COL24A1: variants seen among roughly 807,000 people sequenced by gnomAD.
The protein encoded by COL24A1 is collagen alpha-1(XXIV) chain.
COL24A1 carries 224 observed loss-of-function variants against 253.9 expected under a neutral mutation model. That is an observed-to-expected ratio of 0.88 (90% CI 0.79 to 0.99). The LOEUF is 0.99. Ranked by LOEUF, COL24A1 falls within the 50% of genes least tolerant of loss-of-function variation. The probability of loss-of-function intolerance (pLI) is 0.00; values close to 1 mark genes in which losing one functional copy is unlikely to be tolerated. For synonymous variants in COL24A1, 685 were observed against 673.7 expected, an observed-to-expected ratio of 1.02 and a Z score of -0.26; for missense variants, 2,131 against 2,068.5, an observed-to-expected ratio of 1.03 and a Z score of -0.59.
chr1:85,955,956 G>A (rs923395294), intron 24 of COL24A1, among the ~76,000 whole-genome samples: 2 of 152,136 alleles, frequency 1.3e-5, no homozygotes, highest in South Asian at 2.1e-4. Flanking sequence ...AGATATTACA[G>A]AGCAAAATTT....
intron 20 of COL24A1, 66 bp downstream of exon 20, chr1:85,987,535 T>G: frequency 7.5e-7 from 1 of 1,338,368 alleles, no homozygotes; most frequent in Non-Finnish European, 1.1e-6. Flanking sequence ...ATTTTTCCCA[T>G]TTATTGAGAA....
intron 37 of COL24A1, among the ~76,000 whole-genome samples, chr1:85,867,321 C>T (rs1207733613): frequency 6.6e-6 from 1 of 152,198 alleles, no homozygotes; most frequent in East Asian, 1.9e-4. Context: ...ATTAGTTCCT[C>T]AGTCTTTACT....
At chr1:86,126,272 A>C in intron 2 of COL24A1, 58 bp from the exon 3 acceptor site, 1 of 1,451,114 alleles carries the variant, frequency 6.9e-7, no homozygotes, top group Non-Finnish European at 9.2e-7. Flanking sequence ...TCAAGTGTTC[A>C]TATAAATGTT....
At position 86,014,333 on chromosome 1, in the gene COL24A1, TG is replaced by T. The variant is rs199943585; in HGVS notation, c.2310+2817del. On this transcript the variant is annotated intron_variant, in intron 19 of 59. Transcript: ENST00000370571. ...TTTTATTATCAACTTAAAACTTAAC[TG>T]CACTGTAGACAAAGACTGTAGACTT... is the stretch of plus-strand genomic sequence containing the variant. Among the ~76,000 whole-genome samples, 13 of 152,364 alleles carry T rather than the reference TG, an allele frequency of 8.5e-5. No homozygotes were observed. In the East Asian group the frequency reaches 2.5e-3, roughly 29 times the overall value.
chr1:85,762,177 G>C (rs1666910715), intron 53 of COL24A1, among the ~76,000 whole-genome samples: 1 of 152,150 alleles, frequency 6.6e-6, no homozygotes, highest in Admixed American at 6.5e-5. Context: ...CTGTACATCT[G>C]TTCAAAAGTA....
chr1:85,909,640 C>T (rs1343888711), intron 26 of COL24A1, among the ~76,000 whole-genome samples: 2 of 151,764 alleles, frequency 1.3e-5, no homozygotes, highest in African/African-American at 4.8e-5. Context: ...AAGATTTATA[C>T]AATCCGAAGA....
In COL24A1 at chr1:86,125,573, G is replaced by A. The variant is rs199773723; in HGVS notation, c.763C>T (p.Pro255Ser). Reference sequence around the variant, plus strand: ...TTTGTTGGTATGAGAGTTGTACAAGGAATGCTTGTTTCAGGTTGGTATTTG... The same window carrying A: ...TTTGTTGGTATGAGAGTTGTACAAGAAATGCTTGTTTCAGGTTGGTATTTG... ...ADKYQPETSIPCTTLIPTKIP... is the reference protein window; with the variant it reads ...ADKYQPETSISCTTLIPTKIP... Residue 255 changes from proline to serine, a missense_variant, in exon 3 of 60, where the codon CCT (proline) becomes TCT (serine). By Grantham distance (74) the Pro-to-Ser change is moderately conservative. Coordinates refer to ENST00000370571, the MANE Select transcript of COL24A1 (RefSeq NM_152890.7). The A allele has an allele frequency of 4.6e-4, 747 of 1,613,452 alleles. No homozygotes were observed. Among genetic ancestry groups the A allele is most frequent in the Non-Finnish European group, 6.1e-4 (717 of 1,179,790 alleles).
intron 32 of COL24A1, among the ~76,000 whole-genome samples, 189 bp from the exon 33 acceptor site, chr1:85,877,364 G>A (rs1681299394): frequency 6.6e-6 from 1 of 152,070 alleles, no homozygotes; most frequent in African/African-American, 2.4e-5. Context: ...ATGTATGTGT[G>A]TGTGTTTTTG....
intron 24 of COL24A1, among the ~76,000 whole-genome samples, chr1:85,932,669 A>G (rs1687854280): frequency 1.1e-5 from 1 of 92,926 alleles, no homozygotes; most frequent in Non-Finnish European, 2.1e-5. Flanking sequence ...TCACAATAGC[A>G]AAGACTTGGA....
At chr1:85,791,070 A>C (rs1331820899) in intron 47 of COL24A1, among the ~76,000 whole-genome samples, 1 of 152,198 alleles carries the variant, frequency 6.6e-6, no homozygotes, top group Non-Finnish European at 1.5e-5. Context: ...ACACTTATTT[A>C]AGATTGTTAG....
At chr1:86,048,549 G>C (rs1437515241) in intron 11 of COL24A1, among the ~76,000 whole-genome samples, 11 of 150,966 alleles carry the variant, frequency 7.3e-5, no homozygotes, top group Non-Finnish European at 1.6e-4. Context: ...GGAGTGCAGT[G>C]GTGCAATCTC....
At chr1:86,132,096 T>G (rs1453546715) in intron 2 of COL24A1, among the ~76,000 whole-genome samples, 2 of 152,234 alleles carry the variant, frequency 1.3e-5, no homozygotes, top group African/African-American at 4.8e-5. Context: ...GATTTTGATT[T>G]GCATTTCTCT....
At chr1:86,147,750 T>G (rs751676853) in intron 1 of COL24A1, among the ~76,000 whole-genome samples, 1 of 152,236 alleles carries the variant, frequency 6.6e-6, no homozygotes, top group African/African-American at 2.4e-5. Flanking sequence ...TTTAGAACAT[T>G]CACTGTGTTT....
chr1:85,847,851 T>C, intron 38 of COL24A1, 79 bp from the exon 39 acceptor site: 1 of 841,264 alleles, frequency 1.2e-6, no homozygotes, highest in East Asian at 2.6e-5. Context: ...TATTCCTGAA[T>C]AGCTCCTGAG....
intron 47 of COL24A1, among the ~76,000 whole-genome samples, chr1:85,800,743 TC>T (rs1671341456): frequency 6.6e-6 from 1 of 152,050 alleles, no homozygotes; most frequent in South Asian, 2.1e-4. Flanking sequence ...CTCTCCACTG[TC>T]CCCGCCTCTG....
At chr1:86,063,683 CAT>C (rs1701272568) in intron 8 of COL24A1, 30 bp downstream of exon 8, 1 of 1,464,750 alleles carries the variant, frequency 6.8e-7, no homozygotes, top group African/African-American at 1.4e-5. Flanking sequence ...CTTTTTCACA[CAT>C]GATACAAGTC....
chr1:85,910,875 G>T (rs1013268227), intron 25 of COL24A1, among the ~76,000 whole-genome samples: 4 of 151,782 alleles, frequency 2.6e-5, no homozygotes, highest in Non-Finnish European at 5.9e-5. Flanking sequence ...AGGATGAGAG[G>T]AGTCTGTGGA....
At chr1:85,925,532 A>G (rs1286229938) in intron 24 of COL24A1, among the ~76,000 whole-genome samples, 1 of 152,172 alleles carries the variant, frequency 6.6e-6, no homozygotes, top group Non-Finnish European at 1.5e-5. Context: ...ATCTACAACT[A>G]TCTGATCTTT....
At chr1:86,121,968 A>G (rs1033948123) in intron 3 of COL24A1, among the ~76,000 whole-genome samples, 2 of 152,148 alleles carry the variant, frequency 1.3e-5, no homozygotes, top group Non-Finnish European at 2.9e-5. Flanking sequence ...GTTACTTAAA[A>G]GTAGGAAAAA....
Sources: gnomAD v4.1 joint callset for allele counts (sites outside exome capture counted in the v4.1 genomes callset) on GRCh38, gnomAD v4.1.1 for gene constraint, MANE v1.5 for transcripts, NCBI Gene and HGNC (gene_info 2026-07-23, HGNC 2026-07-21) for gene names.